Variants in GALNTL6 observed in about 807,000 individuals in gnomAD.
The protein encoded by GALNTL6 is polypeptide N-acetylgalactosaminyltransferase like 6, also known as polypeptide N-acetylgalactosaminyltransferase-like 6.
GALNTL6 carries 46 observed loss-of-function variants against 73.7 expected under a neutral mutation model. The ratio of observed to expected loss-of-function variants is 0.62; its 90% CI spans 0.49 to 0.80. The LOEUF (loss-of-function observed/expected upper bound fraction) is 0.80, where lower values mean the gene tolerates loss of function less well. Ranked by LOEUF, GALNTL6 falls within the 30% of genes least tolerant of loss-of-function variation. The pLI is 0.00. For synonymous variants in GALNTL6, 259 were observed against 263.7 expected, an observed-to-expected ratio of 0.98 and a Z score of 0.17; for missense variants, 604 against 755.0, an observed-to-expected ratio of 0.80 and a Z score of 2.34.
intron 2 of GALNTL6, among the ~76,000 whole-genome samples, chr4:171,912,448 T>G (rs1437091501): frequency 6.6e-6 from 1 of 152,186 alleles, no homozygotes; most frequent in African/African-American, 2.4e-5. Context: ...GTACATATTT[T>G]GGGGGTAGAT....
chr4:172,560,839 T>C (rs1736325399), intron 5 of GALNTL6, among the ~76,000 whole-genome samples: 1 of 152,236 alleles, frequency 6.6e-6, no homozygotes, highest in African/African-American at 2.4e-5. Flanking sequence ...AACTGAGCAC[T>C]TACATGGTCC....
chr4:172,236,683 A>G (rs1367867948), intron 3 of GALNTL6, among the ~76,000 whole-genome samples: 1 of 151,928 alleles, frequency 6.6e-6, no homozygotes, highest in African/African-American at 2.4e-5. Flanking sequence ...ACCTCTGTGG[A>G]ATATTTGGTG....
At chr4:172,054,938 T>C (rs1278878128) in intron 2 of GALNTL6, among the ~76,000 whole-genome samples, 1 of 152,156 alleles carries the variant, frequency 6.6e-6, no homozygotes, top group Admixed American at 6.6e-5. Flanking sequence ...GAAGAGTATA[T>C]GTAACAAACT....
intron 10 of GALNTL6, among the ~76,000 whole-genome samples, chr4:172,967,078 C>T (rs557065904): frequency 9.2e-5 from 14 of 152,322 alleles, no homozygotes; most frequent in South Asian, 4.1e-4. Context: ...CAATTATCTC[C>T]GTGTCTTTGA....
intron 2 of GALNTL6, among the ~76,000 whole-genome samples, chr4:172,159,724 T>G (rs1734394931): frequency 6.6e-6 from 1 of 152,300 alleles, no homozygotes; most frequent in South Asian, 2.1e-4. Flanking sequence ...GAACTTTAGA[T>G]TTTAACCTAA....
intron 5 of GALNTL6, among the ~76,000 whole-genome samples, chr4:172,493,750 GA>G (rs1227675357): frequency 3.3e-5 from 5 of 152,142 alleles, no homozygotes; most frequent in Non-Finnish European, 7.3e-5. Context: ...AAGCTTCATG[GA>G]AGTATTGCCA....
intron 7 of GALNTL6, among the ~76,000 whole-genome samples, chr4:172,837,601 G>A (rs2111073099): frequency 6.6e-6 from 1 of 152,282 alleles, no homozygotes; most frequent in East Asian, 1.9e-4. Context: ...AAGAGAATAA[G>A]AGGGGAGAAA....
chr4:172,298,325 C>T (rs922290492), intron 3 of GALNTL6, among the ~76,000 whole-genome samples: 2 of 152,120 alleles, frequency 1.3e-5, no homozygotes. Context: ...TTCCTCTTTT[C>T]CTAATTGAAT....
chr4:172,994,529 C>T (rs1318207062), intron 10 of GALNTL6, among the ~76,000 whole-genome samples: 1 of 152,168 alleles, frequency 6.6e-6, no homozygotes, highest in African/African-American at 2.4e-5. Flanking sequence ...AAATACTTTA[C>T]AAATGTTACA....
At chr4:172,652,731 G>T (rs1740533230) in intron 5 of GALNTL6, among the ~76,000 whole-genome samples, 1 of 152,064 alleles carries the variant, frequency 6.6e-6, no homozygotes, top group African/African-American at 2.4e-5. Flanking sequence ...AATGGGTATT[G>T]AACTAAATTT....
At chr4:172,028,845 G>A (rs1484626654) in intron 2 of GALNTL6, among the ~76,000 whole-genome samples, 1 of 151,886 alleles carries the variant, frequency 6.6e-6, no homozygotes. Flanking sequence ...AAATGTAAAA[G>A]TATTTTAAAG....
chr4:172,114,162 T>C (rs1433291438), intron 2 of GALNTL6, among the ~76,000 whole-genome samples: 7 of 152,062 alleles, frequency 4.6e-5, no homozygotes, highest in African/African-American at 1.7e-4. Context: ...AAAATACTTA[T>C]GAGGGTTTAA....
intron 2 of GALNTL6, among the ~76,000 whole-genome samples, chr4:172,030,253 G>A (rs956856077): frequency 4.6e-5 from 7 of 151,940 alleles, no homozygotes; most frequent in East Asian, 1.9e-4. Flanking sequence ...TAATCTAATC[G>A]AGAAAAACCA....
intron 3 of GALNTL6, among the ~76,000 whole-genome samples, chr4:172,298,251 G>A (rs1385705590): frequency 1.3e-5 from 2 of 152,136 alleles, no homozygotes; most frequent in African/African-American, 4.8e-5. Context: ...AGGAGCTTTT[G>A]GGCTGAGATG....
At chr4:172,871,587 C>G (rs1375135751) in intron 7 of GALNTL6, among the ~76,000 whole-genome samples, 1 of 116,412 alleles carries the variant, frequency 8.6e-6, no homozygotes, top group Non-Finnish European at 1.9e-5. Flanking sequence ...GTCTCTGACT[C>G]TGGGGGGGGT....
chr4:172,832,154 C>T (rs1035648631), intron 7 of GALNTL6, among the ~76,000 whole-genome samples: 1 of 152,108 alleles, frequency 6.6e-6, no homozygotes, highest in Non-Finnish European at 1.5e-5. Context: ...TTGGGCTTCT[C>T]GGTAAAACAA....
intron 5 of GALNTL6, among the ~76,000 whole-genome samples, chr4:172,641,481 A>G (rs1407223432): frequency 2.0e-5 from 3 of 152,054 alleles, no homozygotes; most frequent in Non-Finnish European, 4.4e-5. Context: ...CACACCAGTC[A>G]TGCTCCTGCT....
chr4:172,482,142 G>A (rs899270793), intron 5 of GALNTL6, among the ~76,000 whole-genome samples: 6 of 152,282 alleles, frequency 3.9e-5, no homozygotes, highest in East Asian at 1.9e-4. Flanking sequence ...GCCCAGGGCC[G>A]GTGGCGCCGG....
intron 4 of GALNTL6, among the ~76,000 whole-genome samples, chr4:172,314,572 A>G (rs1004533704): frequency 6.1e-5 from 9 of 147,006 alleles, no homozygotes; most frequent in African/African-American, 2.3e-4. Context: ...ATTTAAGACA[A>G]TGTATTTCAG....
Sources: gnomAD v4.1 joint callset for allele counts (sites outside exome capture counted in the v4.1 genomes callset) on GRCh38, gnomAD v4.1.1 for gene constraint, MANE v1.5 for transcripts, NCBI Gene and HGNC (gene_info 2026-07-23, HGNC 2026-07-21) for gene names.